CNTD1: variants seen among roughly 807,000 people sequenced by gnomAD.
CNTD1 encodes cyclin N-terminal domain-containing protein 1.
Under a neutral mutation model 36.3 loss-of-function variants are expected in CNTD1, and 17 were observed. The ratio of observed to expected loss-of-function variants is 0.47; its 90% CI spans 0.32 to 0.70. The LOEUF is 0.70. Ranked by LOEUF, CNTD1 falls within the 30% of genes least tolerant of loss-of-function variation. The pLI, the probability that CNTD1 is intolerant of heterozygous loss-of-function variation, is 0.03. For synonymous variants in CNTD1, 128 were observed against 153.3 expected (o/e 0.83, Z 1.22); for missense variants, 338 against 386.1 (o/e 0.88, Z 1.04).
chr17:42,808,288 C>T (rs936580869), intron 6 of CNTD1, among the ~76,000 whole-genome samples: 2 of 152,040 alleles, frequency 1.3e-5, no homozygotes, highest in African/African-American at 2.4e-5. Flanking sequence ...GTGGCTCACA[C>T]CTGTAATCCC....
Position 42,811,542 on chromosome 17 carries a change from GC to G in CNTD1, c.*2009del. On this transcript the variant is annotated 3_prime_UTR_variant, in exon 7 of 7. Coordinates refer to ENST00000588408, the MANE Select transcript of CNTD1 (RefSeq NM_173478.3). ...GCCCATCAATGTCATGTGATTCTGTGCCATTTTTTTGCTTTCCCACCATTTA... is the reference window on the plus strand; with the variant it reads ...GCCCATCAATGTCATGTGATTCTGTGCATTTTTTTGCTTTCCCACCATTTA... 7.2e-7 allele frequency: 1 copy of G among 1,384,022 alleles called. No homozygotes were observed. The highest frequency in any genetic ancestry group is 9.9e-7 in the Non-Finnish European group (1 of 1,013,018). The allele number at this position is 1,384,022 out of a possible 1,614,324, so 85.7% of individuals were successfully genotyped here.
In CNTD1 at chr17:42,807,792, A is replaced by C. The variant is rs2054905439; in HGVS notation, c.750A>C (p.Glu250Asp). ...LQGEKFTSVKEDFMLLAVGII... is the reference protein window; with the variant it reads ...LQGEKFTSVKDDFMLLAVGII... ...GGGAAAAGTTTACTTCAGTGAAGGA[A>C]GACTTCATGCTGTTGGCAGTAGGAA... The change falls in exon 6 of 7, where the codon GAA becomes GAC. Residue 250 changes from glutamate (E) to aspartate (D), a missense_variant. Transcript: ENST00000588408. 2 of 1,614,036 alleles carry C rather than the reference A, an allele frequency of 1.2e-6. No homozygotes were observed. The highest frequency in any genetic ancestry group is 4.5e-5 in the East Asian group (2 of 44,880).
rs1567660273 is a variant in CNTD1 at position 42,801,543 on chromosome 17, ATATAATATATG to A, written c.170-2075_170-2065del. On this transcript the variant is annotated intron_variant, in intron 1 of 6. Transcript: ENST00000588408. ...TATATATATATATATATATATATAT[ATATAATATATG>A]TGTGTGTGTGTGTGTGTGTGTGTGT... 4.4e-3 allele frequency among the ~76,000 whole-genome samples: 221 copies of A among 50,424 alleles called. 5 individuals are homozygous for A. Among genetic ancestry groups the A allele is most frequent in the Admixed American group, 0.035 (160 of 4,524 alleles). 33.1% of individuals were successfully genotyped at this position (50,424 alleles called of 152,430 possible).
At position 42,809,679 on chromosome 17, in the gene CNTD1, T is replaced by C; in HGVS notation, c.*144T>C. On this transcript the variant is annotated 3_prime_UTR_variant, in exon 7 of 7. Transcript: ENST00000588408. Reference sequence around the variant, plus strand: ...GCCAATTTCATGCTTATTTTTCCTTTATCAGAGAGAGTTAAGGTGGACGAG... The same window carrying C: ...GCCAATTTCATGCTTATTTTTCCTTCATCAGAGAGAGTTAAGGTGGACGAG... 2 of 735,290 alleles carry C rather than the reference T, an allele frequency of 2.7e-6. No homozygotes were observed. Among genetic ancestry groups the C allele is most frequent in the East Asian group, 5.6e-5 (2 of 35,492 alleles). The allele number at this position is 735,290 out of a possible 1,614,324, so 45.5% of individuals were successfully genotyped here.
At chr17:42,800,621 C>T (rs981020266) in intron 1 of CNTD1, among the ~76,000 whole-genome samples, 1 of 152,050 alleles carries the variant, frequency 6.6e-6, no homozygotes, top group African/African-American at 2.4e-5. Flanking sequence ...GATGGTAACC[C>T]TGCCTTAGTA....
chr17:42,801,495 CAAAAAA>C (rs748783042), intron 1 of CNTD1, among the ~76,000 whole-genome samples: 3 of 35,306 alleles, frequency 8.5e-5, no homozygotes, highest in African/African-American at 1.8e-4. Flanking sequence ...GACCTTGTCT[CAAAAAA>C]AAAAAAAAAA....
chr17:42,803,745 A>G (rs1302454794), intron 2 of CNTD1, 50 bp downstream of exon 2: 2 of 1,388,104 alleles, frequency 1.4e-6, no homozygotes, highest in Non-Finnish European at 2.0e-6. Flanking sequence ...AGAGTGGCTA[A>G]TGTACCTACA....
At chr17:42,808,569 A>AG (rs2054923108) in intron 6 of CNTD1, among the ~76,000 whole-genome samples, 1 of 150,882 alleles carries the variant, frequency 6.6e-6, no homozygotes, top group Non-Finnish European at 1.5e-5. Flanking sequence ...AAAAAAAAAA[A>AG]AAAAAAAATT....
rs1957326853 is a variant in CNTD1, at chr17:42,805,423, T to C, written c.418-299T>C. 5.2e-5 allele frequency: 12 copies of C among 229,394 alleles called. No individual in the cohort carries two copies. In the South Asian group the frequency reaches 9.0e-4, roughly 17 times the overall value. The allele number at this position is 229,394 out of a possible 1,614,324, so 14.2% of individuals were successfully genotyped here. ...AAGTGTATTTAGAGAAAATGACTTC[T>C]TGAAATGGGGTGGGTGGGAGATGGG... On this transcript the variant is annotated intron_variant, in intron 3 of 6. Coordinates refer to ENST00000588408, the MANE Select transcript of CNTD1 (RefSeq NM_173478.3).
rs2144143135 is a variant in CNTD1 at position 42,811,054 on chromosome 17, T to A, written c.*1519T>A. On this transcript the variant is annotated 3_prime_UTR_variant, in exon 7 of 7. Transcript: ENST00000588408. ...TTAAAGAACACTTGGTGAGGAATGA[T>A]AGTGTATTTTGGATTTGCTTGAAAG... 1.9e-6 allele frequency: 2 copies of A among 1,047,952 alleles called. No individual in the cohort carries two copies. The highest frequency in any genetic ancestry group is 5.3e-5 in the East Asian group (2 of 37,718). The allele number at this position is 1,047,952 out of a possible 1,614,324, so 64.9% of individuals were successfully genotyped here.
intron 1 of CNTD1, among the ~76,000 whole-genome samples, chr17:42,801,506 AAAAAATATATATATATAT>A (rs2054784310): frequency 3.8e-5 from 2 of 52,730 alleles, no homozygotes; most frequent in African/African-American, 1.6e-4. Context: ...AAAAAAAAAA[AAAAAATATATATATATAT>A]ATATATATAT....
chr17:42,807,712 T>C, intron 5 of CNTD1, 56 bp from the exon 6 acceptor site: 2 of 1,243,538 alleles, frequency 1.6e-6, no homozygotes, highest in Non-Finnish European at 1.2e-6. Context: ...GACCCTATGA[T>C]TTGGAAGATC....
At position 42,811,550 on chromosome 17, in the gene CNTD1, T is replaced by C. The variant is rs2055005935; in HGVS notation, c.*2015T>C. The C allele has an allele frequency of 6.9e-7, 1 of 1,450,840 alleles. No individual in the cohort carries two copies. The highest frequency in any genetic ancestry group is 9.3e-7 in the Non-Finnish European group (1 of 1,073,256). 89.9% of individuals were successfully genotyped at this position (1,450,840 alleles called of 1,614,324 possible). Reference sequence around the variant, plus strand: ...ATGTCATGTGATTCTGTGCCATTTTTTTGCTTTCCCACCATTTATACTGTT... The same window carrying C: ...ATGTCATGTGATTCTGTGCCATTTTCTTGCTTTCCCACCATTTATACTGTT... On this transcript the variant is annotated 3_prime_UTR_variant, in exon 7 of 7. Transcript: ENST00000588408.
At chr17:42,809,218 T>C (rs1719801801) in intron 6 of CNTD1, 147 bp from the exon 7 acceptor site, 2 of 688,284 alleles carry the variant, frequency 2.9e-6, no homozygotes, top group Non-Finnish European at 4.9e-6. Flanking sequence ...CCTAATATAA[T>C]TTGGCCATTG....
In CNTD1 at chr17:42,809,627, A is replaced by C. The variant is rs1567664917; in HGVS notation, c.*92A>C. Reference sequence around the variant, plus strand: ...TTCATACTAAGGGTACAAAAATTCCAAGTCTCTTTTGAACTGTATTTTGTA... The same window carrying C: ...TTCATACTAAGGGTACAAAAATTCCCAGTCTCTTTTGAACTGTATTTTGTA... On this transcript the variant is annotated 3_prime_UTR_variant, in exon 7 of 7. Coordinates refer to ENST00000588408, the MANE Select transcript of CNTD1 (RefSeq NM_173478.3). 2 of 1,212,784 alleles carry C rather than the reference A, an allele frequency of 1.6e-6. No individual in the cohort carries two copies. Among genetic ancestry groups the C allele is most frequent in the Non-Finnish European group, 1.2e-6 (1 of 859,382 alleles). The allele number at this position is 1,212,784 out of a possible 1,614,324, so 75.1% of individuals were successfully genotyped here. A position where few individuals can be genotyped will look rare whatever the true frequency, so the allele number is the denominator to read the frequency against.
intron 2 of CNTD1, among the ~76,000 whole-genome samples, chr17:42,803,904 T>C (rs568673133): frequency 6.6e-6 from 1 of 152,346 alleles, no homozygotes; most frequent in South Asian, 2.1e-4. Context: ...GGTGGGATCT[T>C]GGCTCACTGC....
rs1055529234 is a variant in CNTD1 at position 42,811,385 on chromosome 17, CCTT to C, written c.*1854_*1856del. ...TATTTCCAAGGGCTTCAGGGAAAAA[CCTT>C]CTTGAAACTGGAGAGGAGGCTTGAG... On this transcript the variant is annotated 3_prime_UTR_variant, in exon 7 of 7. Transcript: ENST00000588408. 1.4e-4 allele frequency: 51 copies of C among 360,536 alleles called. No individual in the cohort carries two copies. The highest frequency in any genetic ancestry group is 2.3e-4 in the Non-Finnish European group (47 of 203,372). 22.3% of individuals were successfully genotyped at this position (360,536 alleles called of 1,614,324 possible).
At chr17:42,798,809 G>T, upstream of CNTD1, 2 of 1,451,038 alleles carry the variant, frequency 1.4e-6, no homozygotes, top group Non-Finnish European at 1.8e-6. Context: ...CGGTTCCCGG[G>T]CACAGGGGAT....
At position 42,810,820 on chromosome 17, in the gene CNTD1, G is replaced by A. The variant is rs771146233; in HGVS notation, c.*1285G>A. 1.9e-6 allele frequency: 3 copies of A among 1,613,474 alleles called. No homozygotes were observed. Among genetic ancestry groups the A allele is most frequent in the South Asian group, 1.1e-5 (1 of 90,896 alleles). ...GACCCCACTTAAGATTCGTCAGCAT[G>A]AACTTGAGAGCTTTTGTCCACTGCT... On this transcript the variant is annotated 3_prime_UTR_variant, in exon 7 of 7. Transcript: ENST00000588408.
Sources: gnomAD v4.1 joint callset for allele counts (sites outside exome capture counted in the v4.1 genomes callset) on GRCh38, gnomAD v4.1.1 for gene constraint, MANE v1.5 for transcripts, NCBI Gene and HGNC (gene_info 2026-07-23, HGNC 2026-07-21) for gene names.